The following GALNT13 variants were observed in gnomAD, a reference collection of about 807,000 sequenced individuals.
GALNT13 encodes polypeptide N-acetylgalactosaminyltransferase 13, also known as UDP-GalNAc:polypeptide N-acetylgalactosaminyltransferase 13.
Under a neutral mutation model 64.2 loss-of-function variants are expected in GALNT13, and 28 were observed. That is an observed-to-expected ratio of 0.44 (90% CI 0.32 to 0.60). The LOEUF is 0.60. Ranked by LOEUF, GALNT13 falls within the 20% of genes least tolerant of loss-of-function variation. GALNT13 has a pLI of 0.05. For synonymous variants in GALNT13, 214 were observed against 224.6 expected (o/e 0.95, Z 0.42); for missense variants, 577 against 669.8 (o/e 0.86, Z 1.53).
At chr2:153,591,416 T>C in the GALNT13 span, among the ~76,000 whole-genome samples, 1 of 151,972 alleles carries the variant, frequency 6.6e-6, no homozygotes, top group East Asian at 1.9e-4. Flanking sequence ...CCTATCAAAA[T>C]ACCATAATTT....
At chr2:154,191,371 A>G (rs1044240302) in intron 4 of GALNT13, among the ~76,000 whole-genome samples, 3 of 152,212 alleles carry the variant, frequency 2.0e-5, no homozygotes, top group African/African-American at 7.2e-5. Context: ...CTAGACAACT[A>G]CAATTTCAGA....
At chr2:153,297,181 AAG>A in the GALNT13 span, among the ~76,000 whole-genome samples, 3 of 152,326 alleles carry the variant, frequency 2.0e-5, no homozygotes, top group African/African-American at 7.2e-5. Flanking sequence ...GGAAGAAAAG[AAG>A]AGACTGTGTT....
chr2:153,716,299 G>A, the GALNT13 span, among the ~76,000 whole-genome samples: 1 of 152,202 alleles, frequency 6.6e-6, no homozygotes, highest in African/African-American at 2.4e-5. Flanking sequence ...TTTGAATGCA[G>A]CCCAAACAAA....
the GALNT13 span, among the ~76,000 whole-genome samples, chr2:153,407,966 A>G: frequency 6.6e-6 from 1 of 152,214 alleles, no homozygotes; most frequent in Admixed American, 6.5e-5. Flanking sequence ...CATAGCATCG[A>G]AATGCGTGAT....
the GALNT13 span, among the ~76,000 whole-genome samples, chr2:153,450,156 G>A: frequency 1.3e-5 from 2 of 152,106 alleles, no homozygotes; most frequent in Non-Finnish European, 2.9e-5. Context: ...TAACCACTCT[G>A]ACTTGTCAGA....
chr2:154,201,916 G>T (rs1265054259), intron 4 of GALNT13, among the ~76,000 whole-genome samples: 1 of 152,092 alleles, frequency 6.6e-6, no homozygotes, highest in Non-Finnish European at 1.5e-5. Context: ...CTTCCTTGAT[G>T]CTTCAAGACT....
rs1683719740 is a variant in GALNT13 at position 154,147,925 on chromosome 2, A to C, written c.311+7420A>C. On this transcript the variant is annotated intron_variant, in intron 4 of 12. Coordinates refer to ENST00000392825, the MANE Select transcript of GALNT13 (RefSeq NM_052917.4). ...GATTTTGCTTTTATTTTTTATTTTT[A>C]TTATTATTATACTTTAAGTTTTAGG... Among the ~76,000 whole-genome samples the C allele has an allele frequency of 3.8e-5, 5 of 132,936 alleles. No homozygotes were observed. The South Asian group carries it at 1.2e-3, about 31-fold the overall frequency. The allele number at this position is 132,936 out of a possible 152,430, so 87.2% of individuals were successfully genotyped here.
Position 154,041,135 on chromosome 2 carries a change from T to C in GALNT13, c.142+96496T>C, listed in dbSNP as rs1698953860. 1.4e-5 allele frequency among the ~76,000 whole-genome samples: 2 copies of C among 140,566 alleles called. 1 individual carries two copies. Among genetic ancestry groups the C allele is most frequent in the South Asian group, 4.5e-4 (2 of 4,418 alleles). The allele number at this position is 140,566 out of a possible 152,430, so 92.2% of individuals were successfully genotyped here. On this transcript the variant is annotated intron_variant, in intron 3 of 12. Transcript: ENST00000392825. Reference sequence around the variant, plus strand: ...ATAAGAAATTCAGGGATTATATTGTTCTTTGGTAAAAAATCTTTGTTTTAT... The same window carrying C: ...ATAAGAAATTCAGGGATTATATTGTCCTTTGGTAAAAAATCTTTGTTTTAT...
At chr2:153,229,944 G>C in the GALNT13 span, among the ~76,000 whole-genome samples, 1 of 152,128 alleles carries the variant, frequency 6.6e-6, no homozygotes, top group Non-Finnish European at 1.5e-5. Context: ...CAGCACCTTT[G>C]GTACTGAGAT....
Position 154,100,787 on chromosome 2 carries a change from G to A in GALNT13, c.143-39550G>A, listed in dbSNP as rs10804102. Among the ~76,000 whole-genome samples, 254 of 151,736 alleles carry A rather than the reference G, an allele frequency of 1.7e-3. 1 individual carries two copies. The highest frequency in any genetic ancestry group is 5.6e-3 in the South Asian group (27 of 4,816). On this transcript the variant is annotated intron_variant, in intron 3 of 12. Transcript: ENST00000392825. ...GGGCCTTTTTGTCTCTTTCCAGTTCGTAGGGGGAAAGTTTTCAACCTTTCC... is the reference window on the plus strand; with the variant it reads ...GGGCCTTTTTGTCTCTTTCCAGTTCATAGGGGGAAAGTTTTCAACCTTTCC...
At chr2:153,072,072 G>A in the GALNT13 span, among the ~76,000 whole-genome samples, 1 of 152,118 alleles carries the variant, frequency 6.6e-6, no homozygotes, top group South Asian at 2.1e-4. Context: ...GTGTGTTCCT[G>A]TTTATATTGT....
the GALNT13 span, among the ~76,000 whole-genome samples, chr2:153,630,807 A>ATATATAT: frequency 4.5e-5 from 1 of 21,990 alleles, no homozygotes. Flanking sequence ...ATATATATAT[A>ATATATAT]TTTTTTTTTT....
chr2:153,962,154 A>T (rs1295145400), intron 3 of GALNT13, among the ~76,000 whole-genome samples: 2 of 152,236 alleles, frequency 1.3e-5, no homozygotes. Context: ...TTTGATTTAT[A>T]GCCCAAATTG....
chr2:154,316,633 T>A (rs1694332575), intron 9 of GALNT13, among the ~76,000 whole-genome samples: 1 of 152,158 alleles, frequency 6.6e-6, no homozygotes, highest in Admixed American at 6.6e-5. Flanking sequence ...AGCATAGTGT[T>A]GGCCTCTGTT....
chr2:153,764,349 C>T, the GALNT13 span, among the ~76,000 whole-genome samples: 1 of 152,134 alleles, frequency 6.6e-6, no homozygotes, highest in Non-Finnish European at 1.5e-5. Flanking sequence ...CTAGCCTGAC[C>T]AACATGGAGA....
chr2:153,817,251 G>A, the GALNT13 span, among the ~76,000 whole-genome samples: 6 of 152,166 alleles, frequency 3.9e-5, no homozygotes, highest in Non-Finnish European at 2.9e-5. Flanking sequence ...GTTCAGAGGT[G>A]GGTTTACCCA....
chr2:154,068,350 T>A (rs1353006782), intron 3 of GALNT13, among the ~76,000 whole-genome samples: 3 of 151,830 alleles, frequency 2.0e-5, no homozygotes, highest in Non-Finnish European at 4.4e-5. Flanking sequence ...GATCCTGCAA[T>A]CCCACTTCTA....
At chr2:153,523,041 C>CTGTTTTTTT in the GALNT13 span, among the ~76,000 whole-genome samples, 8 of 74,770 alleles carry the variant, frequency 1.1e-4, no homozygotes, top group African/African-American at 5.3e-4. Flanking sequence ...TCTGTGTTTA[C>CTGTTTTTTT]TATTTTTTTT....
chr2:153,136,054 C>G, the GALNT13 span, among the ~76,000 whole-genome samples: 1 of 152,034 alleles, frequency 6.6e-6, no homozygotes, highest in South Asian at 2.1e-4. Flanking sequence ...AAACTTCTCT[C>G]TTATTGAAAG....
Sources: gnomAD v4.1 joint callset for allele counts (sites outside exome capture counted in the v4.1 genomes callset) on GRCh38, gnomAD v4.1.1 for gene constraint, MANE v1.5 for transcripts, NCBI Gene and HGNC (gene_info 2026-07-23, HGNC 2026-07-21) for gene names.